USP22: variants seen among roughly 807,000 people sequenced by gnomAD.
USP22 encodes ubiquitin carboxyl-terminal hydrolase 22.
A neutral mutation model predicts 68.1 loss-of-function variants in USP22; 22 were observed. That is an observed-to-expected ratio of 0.32 (90% CI 0.23 to 0.46). The LOEUF (loss-of-function observed/expected upper bound fraction) is 0.46, where lower values mean the gene tolerates loss of function less well. Among genes scored for constraint, USP22 ranks in the 20% least tolerant of loss-of-function variants. The pLI is 1.00. For synonymous variants in USP22, 279 were observed against 274.2 expected (o/e 1.02, Z -0.17); for missense variants, 433 against 695.8 (o/e 0.62, Z 4.25).
chr17:21,010,746 TAA>T (rs1257078508), intron 8 of USP22, among the ~76,000 whole-genome samples: 2 of 151,814 alleles, frequency 1.3e-5, no homozygotes, highest in African/African-American at 4.8e-5. Flanking sequence ...AAAACAGCCC[TAA>T]GAGTACAGAA....
At chr17:21,037,878 G>A (rs1972376672) in intron 1 of USP22, among the ~76,000 whole-genome samples, 1 of 152,146 alleles carries the variant, frequency 6.6e-6, no homozygotes, top group Non-Finnish European at 1.5e-5. Flanking sequence ...CTCCATTTCT[G>A]CAAGAAGTTA....
At position 21,007,980 on chromosome 17, in the gene USP22, G is replaced by A; in HGVS notation, c.1120C>T (p.His374Tyr). 8 of 1,614,144 alleles carry A rather than the reference G, an allele frequency of 5.0e-6. No individual in the cohort carries two copies. Among genetic ancestry groups the A allele is most frequent in the Non-Finnish European group, 6.8e-6 (8 of 1,180,034 alleles). The change falls in exon 9 of 13, where the codon CAC becomes TAC. Residue 374 changes from histidine to tyrosine, a missense_variant. His to Tyr is a moderately conservative substitution (Grantham distance 83, BLOSUM62 2). Transcript: ENST00000261497. ...DCLRRFTRPE[H>Y]LGSSAKIKCS... ...TTGATCTTGGCGCTGCTGCCCAAGT[G>A]CTCTGGTCTGGTGAATCTACAGGCG...
rs1445502994 is a variant in USP22 at position 20,999,749 on chromosome 17, TTTC to T, written c.*3279_*3281del. ...ACCACAGCACAGTCATTGGAATTTT[TTTC>T]TTCATTTTTATTTTCAAACTTACAG... On this transcript the variant is annotated 3_prime_UTR_variant, in exon 13 of 13. Transcript: ENST00000261497. 4.6e-5 allele frequency: 7 copies of T among 152,240 alleles called. No homozygotes were observed. Among genetic ancestry groups the T allele is most frequent in the African/African-American group, 1.2e-4 (5 of 41,460 alleles). The allele number at this position is 152,240 out of a possible 1,614,324, so 9.4% of individuals were successfully genotyped here.
At position 21,034,944 on chromosome 17, in the gene USP22, T is replaced by C. The variant is rs573281818; in HGVS notation, c.172-6270A>G. Among the ~76,000 whole-genome samples, 3 of 152,360 alleles carry C rather than the reference T, an allele frequency of 2.0e-5. No individual in the cohort carries two copies. The East Asian group carries it at 5.8e-4, about 29-fold the overall frequency. ...GTAATACAAATGGGGTTCAGTATTATCTGTGGTTTCAGACAACTACCGGAG... is the reference window on the plus strand; with the variant it reads ...GTAATACAAATGGGGTTCAGTATTACCTGTGGTTTCAGACAACTACCGGAG... On this transcript the variant is annotated intron_variant, in intron 1 of 12. Transcript: ENST00000261497.
At chr17:21,018,294 G>A (rs995608179) in intron 4 of USP22, 183 bp from the exon 5 acceptor site, 7 of 563,266 alleles carry the variant, frequency 1.2e-5, no homozygotes, top group Non-Finnish European at 1.8e-5. Context: ...CGGTATTGAA[G>A]AATGTCCACC....
chr17:21,011,720 CCCAGG>C (rs1913975659), intron 7 of USP22: 1 of 173,434 alleles, frequency 5.8e-6, no homozygotes, highest in Non-Finnish European at 1.2e-5. Context: ...ACAGAGCGTG[CCCAGG>C]CCAGGCCCGG....
Position 21,017,062 on chromosome 17 carries a change from T to C in USP22, c.690+880A>G, listed in dbSNP as rs1597693234. 2.6e-5 allele frequency among the ~76,000 whole-genome samples: 4 copies of C among 152,278 alleles called. No individual in the cohort carries two copies. The South Asian group carries it at 8.3e-4, about 32-fold the overall frequency. On this transcript the variant is annotated intron_variant, in intron 5 of 12. Transcript: ENST00000261497. ...GCAGTTATGGCACATTGCAGGTACT[T>C]TGAGGAAATCGGTTAGGCTCGACCA...
Position 21,018,060 on chromosome 17 carries a change from A to G in USP22, c.572T>C (p.Val191Ala). The G allele has an allele frequency of 6.2e-7, 1 of 1,613,178 alleles. No individual in the cohort carries two copies. The highest frequency in any genetic ancestry group is 8.5e-7 in the Non-Finnish European group (1 of 1,179,734). Reference protein sequence around the residue: ...LGNTCFMNCIVQALTHTPLLR... With the variant: ...LGNTCFMNCIAQALTHTPLLR... ...AAGTGGCGTGTGGGTCAGGGCCTGC[A>G]CGATGCAGTTCATGAAGCATGTGTT... The change falls in exon 5 of 13, where the codon GTG becomes GCG. Residue 191 changes from valine (V) to alanine (A), a missense_variant. Coordinates refer to ENST00000261497, the MANE Select transcript of USP22 (RefSeq NM_015276.2).
Position 21,002,909 on chromosome 17 carries a change from G to C in USP22, c.*122C>G. ...GTGCAGAGGGGCCACATCTGCATGG[G>C]AGGTGGTGTCACCAGGCCGGGGAGG... On this transcript the variant is annotated 3_prime_UTR_variant, in exon 13 of 13. Coordinates refer to ENST00000261497, the MANE Select transcript of USP22 (RefSeq NM_015276.2). 1.7e-6 allele frequency: 2 copies of C among 1,197,936 alleles called. No individual in the cohort carries two copies. The highest frequency in any genetic ancestry group is 1.2e-6 in the Non-Finnish European group (1 of 820,814). The allele number at this position is 1,197,936 out of a possible 1,614,324, so 74.2% of individuals were successfully genotyped here. A position where few individuals can be genotyped will look rare whatever the true frequency, so the allele number is the denominator to read the frequency against.
intron 2 of USP22, among the ~76,000 whole-genome samples, chr17:21,027,317 A>T (rs2143609722): frequency 6.9e-6 from 1 of 145,796 alleles, no homozygotes; most frequent in African/African-American, 2.5e-5. Flanking sequence ...AAAATCAGAC[A>T]CACTATCTGT....
At chr17:21,028,942 C>T (rs184273242) in intron 1 of USP22, among the ~76,000 whole-genome samples, 26 of 152,140 alleles carry the variant, frequency 1.7e-4, no homozygotes, top group African/African-American at 5.8e-4. Context: ...GATGTTCCCC[C>T]ACCTCCTGCT....
rs1364284838 is a variant in USP22 at position 21,042,918 on chromosome 17, G to T, written c.-83C>A. The T allele has an allele frequency of 1.1e-6, 1 of 911,612 alleles. No homozygotes were observed. Among genetic ancestry groups the T allele is most frequent in the Non-Finnish European group, 1.4e-6 (1 of 706,368 alleles). The allele number at this position is 911,612 out of a possible 1,614,324, so 56.5% of individuals were successfully genotyped here. A position where few individuals can be genotyped will look rare whatever the true frequency, so the allele number is the denominator to read the frequency against. ...CAGCGCGGCGTGGGGGCTGCTCGGC[G>T]GCTGGCCAGGCTGGCCAAGGCCCGG... On this transcript the variant is annotated 5_prime_UTR_variant, in exon 1 of 13. Coordinates refer to ENST00000261497, the MANE Select transcript of USP22 (RefSeq NM_015276.2).
At chr17:21,007,429 C>T (rs1247347940) in intron 9 of USP22, among the ~76,000 whole-genome samples, 1 of 152,142 alleles carries the variant, frequency 6.6e-6, no homozygotes, top group African/African-American at 2.4e-5. Flanking sequence ...AAACAAAGAA[C>T]ATGTAACAGA....
In USP22 at chr17:21,002,795, C is replaced by G; in HGVS notation, c.*236G>C. On this transcript the variant is annotated 3_prime_UTR_variant, in exon 13 of 13. Coordinates refer to ENST00000261497, the MANE Select transcript of USP22 (RefSeq NM_015276.2). The stretch of plus-strand genomic sequence containing the variant: ...GACGGGTGTACGCTGCTCCTCCCAC[C>G]CAGAGCACACCCCTCATCTCATCCA... 2.0e-6 allele frequency: 1 copy of G among 508,328 alleles called. No homozygotes were observed. Among genetic ancestry groups the G allele is most frequent in the Non-Finnish European group, 3.6e-6 (1 of 276,942 alleles). 31.5% of individuals were successfully genotyped at this position (508,328 alleles called of 1,614,324 possible). A position where few individuals can be genotyped will look rare whatever the true frequency, so the allele number is the denominator to read the frequency against.
At position 21,041,127 on chromosome 17, in the gene USP22, C is replaced by G. The variant is rs538875193; in HGVS notation, c.171+1538G>C. Among the ~76,000 whole-genome samples, 7 of 151,826 alleles carry G rather than the reference C, an allele frequency of 4.6e-5. No homozygotes were observed. The East Asian group carries it at 1.4e-3, about 30-fold the overall frequency. ...CTCGAACTCCTGACCTCGTGATCTG[C>G]CCCCCTCGGCCTCCCCACGTGCTGG... is the stretch of plus-strand genomic sequence containing the variant. On this transcript the variant is annotated intron_variant, in intron 1 of 12. Coordinates refer to ENST00000261497, the MANE Select transcript of USP22 (RefSeq NM_015276.2).
At chr17:21,004,666 C>T (rs562096146) in intron 11 of USP22, among the ~76,000 whole-genome samples, 59 of 152,358 alleles carry the variant, frequency 3.9e-4, no homozygotes, top group African/African-American at 1.4e-3. Flanking sequence ...GAATGAACAC[C>T]GAGCTTTCCA....
chr17:21,017,914 T>A (rs775457298), intron 5 of USP22, 28 bp downstream of exon 5: 1 of 1,606,854 alleles, frequency 6.2e-7, no homozygotes, highest in South Asian at 1.1e-5. Flanking sequence ...AACAGAAATG[T>A]TCCCCTGCAG....
intron 1 of USP22, among the ~76,000 whole-genome samples, chr17:21,039,545 A>G (rs1044018570): frequency 1.3e-5 from 2 of 151,930 alleles, no homozygotes; most frequent in African/African-American, 4.8e-5. Flanking sequence ...GCCTGGGCAA[A>G]AAGAGTGAAA....
chr17:21,040,655 G>C (rs575610225), intron 1 of USP22, among the ~76,000 whole-genome samples: 1 of 152,188 alleles, frequency 6.6e-6, no homozygotes, highest in South Asian at 2.1e-4. Context: ...GTTAGTTAAT[G>C]ATGGTTTAAA....
Sources: gnomAD v4.1 joint callset for allele counts (sites outside exome capture counted in the v4.1 genomes callset) on GRCh38, gnomAD v4.1.1 for gene constraint, MANE v1.5 for transcripts, NCBI Gene and HGNC (gene_info 2026-07-23, HGNC 2026-07-21) for gene names.